The following ATXN8OS variants were observed in gnomAD, a reference collection of about 807,000 sequenced individuals.
ATXN8OS encodes ATXN8 opposite strand lncRNA.
At chr13:70,155,334 G>GATCTTTTT (rs1888923413) in intron 4 of ATXN8OS, among the ~76,000 whole-genome samples, 1 of 152,070 alleles carries the variant, frequency 6.6e-6, no homozygotes, top group South Asian at 2.1e-4. Context: ...TTTAAGGCGA[G>GATCTTTTT]ATCTTTTTTA....
intron 1 of ATXN8OS, among the ~76,000 whole-genome samples, chr13:70,112,289 C>T (rs9646065): frequency 0.17 from 25,426 of 151,956 alleles, 2,317 homozygotes; most frequent in East Asian, 0.24. Context: ...TGGGTGGGGA[C>T]ACAGAGCCAA....
chr13:70,137,006 G>A lies in ATXN8OS; in HGVS notation n.499+7122G>A, dbSNP rs551439011. The stretch of plus-strand genomic sequence containing the variant: ...CTGAGATGTGATCACTGTCAAGAAA[G>A]ACTTAACACATGAGAGAGATCTGCA... On this transcript the variant is annotated intron_variant and non_coding_transcript_variant, in intron 3 of 4. Transcript: ENST00000678624. Among the ~76,000 whole-genome samples the A allele has an allele frequency of 2.6e-5, 4 of 152,196 alleles. No individual in the cohort carries two copies. The East Asian group carries it at 5.8e-4, about 22-fold the overall frequency.
intron 3 of ATXN8OS, among the ~76,000 whole-genome samples, chr13:70,136,634 C>A (rs995703361): frequency 3.3e-5 from 5 of 152,008 alleles, no homozygotes; most frequent in African/African-American, 1.2e-4. Flanking sequence ...CCTTACAGAC[C>A]TAGACCTCCC....
At chr13:70,112,093 C>T (rs1269501418) in intron 1 of ATXN8OS, among the ~76,000 whole-genome samples, 7 of 152,098 alleles carry the variant, frequency 4.6e-5, no homozygotes, top group Non-Finnish European at 1.5e-5. Context: ...GGGAAGCAGG[C>T]ACGTCCTACG....
chr13:70,154,426 G>T (rs1888911291), intron 4 of ATXN8OS, among the ~76,000 whole-genome samples: 1 of 152,096 alleles, frequency 6.6e-6, no homozygotes, highest in Non-Finnish European at 1.5e-5. Flanking sequence ...TTCTGCATCT[G>T]CTATTTTTGG....
At chr13:70,122,140 A>C (rs1420202299) in intron 2 of ATXN8OS, among the ~76,000 whole-genome samples, 4 of 152,026 alleles carry the variant, frequency 2.6e-5, no homozygotes, top group Non-Finnish European at 5.9e-5. Flanking sequence ...TATCCCAAGA[A>C]AGAACAATAG....
At chr13:70,170,584 C>A (rs547296676) in exon 5 of ATXN8OS, among the ~76,000 whole-genome samples, 29 of 152,178 alleles carry the variant, frequency 1.9e-4, no homozygotes, top group African/African-American at 7.0e-4. Context: ...CTAACCATCT[C>A]AAGGGAAAAC....
At chr13:70,168,619 T>A (rs1389669252) in intron 4 of ATXN8OS, among the ~76,000 whole-genome samples, 1 of 148,416 alleles carries the variant, frequency 6.7e-6, no homozygotes, top group Non-Finnish European at 1.5e-5. Context: ...TAGCTCCCAA[T>A]AGGAGAGAGA....
intron 3 of ATXN8OS, among the ~76,000 whole-genome samples, chr13:70,147,217 TC>T (rs928787265): frequency 1.2e-4 from 19 of 152,182 alleles, no homozygotes; most frequent in African/African-American, 4.6e-4. Flanking sequence ...GAAATATTGT[TC>T]ACTGTTTTAA....
chr13:70,107,599 C>G (rs768924039), upstream of ATXN8OS: 6 of 1,596,874 alleles, frequency 3.8e-6, no homozygotes, highest in Admixed American at 1.7e-5. Flanking sequence ...GCAGCCTCCC[C>G]CCGCCGGGCC....
At chr13:70,152,620 C>A (rs1225482838) in intron 4 of ATXN8OS, among the ~76,000 whole-genome samples, 3 of 151,772 alleles carry the variant, frequency 2.0e-5, no homozygotes, top group Non-Finnish European at 4.4e-5. Context: ...TAGTGTAGCA[C>A]CTGGCATGTA....
At chr13:70,154,422 A>G (rs1888911195) in intron 4 of ATXN8OS, among the ~76,000 whole-genome samples, 1 of 152,140 alleles carries the variant, frequency 6.6e-6, no homozygotes, top group Admixed American at 6.6e-5. Flanking sequence ...CTAATTCTGC[A>G]TCTGCTATTT....
In ATXN8OS at chr13:70,127,668, ATT is replaced by A. The variant is rs11325324; in HGVS notation, n.399-2106_399-2105del. 2.9e-4 allele frequency among the ~76,000 whole-genome samples: 43 copies of A among 149,700 alleles called. 2 individuals are homozygous for A. The East Asian group carries it at 2.9e-3, about 10-fold the overall frequency. On this transcript the variant is annotated intron_variant and non_coding_transcript_variant, in intron 2 of 4. Coordinates refer to ENST00000678624, the Ensembl canonical transcript of ATXN8OS. ...GGAGGCCTGACATATGAAAACAAAC[ATT>A]TTTTTTTTTCTTTGCCTCATAGAGC...
chr13:70,143,904 T>C (rs1475964212), intron 3 of ATXN8OS, among the ~76,000 whole-genome samples: 1 of 152,132 alleles, frequency 6.6e-6, no homozygotes, highest in African/African-American at 2.4e-5. Context: ...TAATGATATA[T>C]TGAGAAGATT....
chr13:70,169,899 C>A (rs1889125046), exon 5 of ATXN8OS, among the ~76,000 whole-genome samples: 1 of 152,072 alleles, frequency 6.6e-6, no homozygotes, highest in Admixed American at 6.6e-5. Context: ...CTCCTGGAAT[C>A]AATTGCATCC....
intron 3 of ATXN8OS, among the ~76,000 whole-genome samples, chr13:70,132,111 A>G (rs879369912): frequency 6.6e-6 from 1 of 152,110 alleles, no homozygotes; most frequent in Non-Finnish European, 1.5e-5. Flanking sequence ...TTTATAATGC[A>G]TTGAAAATAC....
At chr13:70,132,544 T>C (rs750014276) in intron 3 of ATXN8OS, among the ~76,000 whole-genome samples, 2 of 152,018 alleles carry the variant, frequency 1.3e-5, no homozygotes, top group African/African-American at 2.4e-5. Flanking sequence ...AGAATCATTC[T>C]TATCCTAAAC....
intron 1 of ATXN8OS, chr13:70,115,107 A>C (rs968342664): frequency 7.5e-6 from 3 of 397,592 alleles, no homozygotes; most frequent in Middle Eastern, 6.3e-4. Context: ...CATACTGGGT[A>C]ATTTATAAAT....
chr13:70,164,096 C>A (rs1185145505), intron 4 of ATXN8OS, among the ~76,000 whole-genome samples: 1 of 138,402 alleles, frequency 7.2e-6, no homozygotes, highest in Admixed American at 7.3e-5. Context: ...TTATTATTAT[C>A]CTGTTTCCAA....
Sources: allele counts gnomAD v4.1 joint callset (sites outside exome capture counted in the v4.1 genomes callset), GRCh38; gene constraint gnomAD v4.1.1; transcripts MANE v1.5; gene names NCBI Gene and HGNC (gene_info 2026-07-23, HGNC 2026-07-21).